The following ANK3 variants were observed in gnomAD, a reference collection of about 807,000 sequenced individuals.
ANK3 encodes the protein ankyrin 3.
Under a neutral mutation model 370.9 loss-of-function variants are expected in ANK3, and 57 were observed. The observed-to-expected ratio is 0.15, with a 90% CI of 0.12 to 0.19. The LOEUF (loss-of-function observed/expected upper bound fraction) is 0.19, where lower values mean the gene tolerates loss of function less well. ANK3 is among the 10% of genes least tolerant of loss of function. The probability of loss-of-function intolerance (pLI) is 1.00; values close to 1 mark genes in which losing one functional copy is unlikely to be tolerated. For synonymous variants in ANK3, 1,929 were observed against 1,946.3 expected, an observed-to-expected ratio of 0.99 and a Z score of 0.23; for missense variants, 4,439 against 5,302.1, an observed-to-expected ratio of 0.84 and a Z score of 5.06.
Position 60,071,706 on chromosome 10 carries a change from C to T in ANK3, c.9175G>A (p.Glu3059Lys), listed in dbSNP as rs868622451. 1 of 1,597,392 alleles carries T rather than the reference C, an allele frequency of 6.3e-7. No individual in the cohort carries two copies. Among genetic ancestry groups the T allele is most frequent in the Non-Finnish European group, 8.5e-7 (1 of 1,174,184 alleles). Residue 3059 changes from glutamate (E) to lysine (K), a missense_variant, in exon 37 of 44, where the codon GAA becomes AAA. By Grantham distance (56) the Glu-to-Lys change is moderately conservative. Coordinates refer to ENST00000280772, the MANE Select transcript of ANK3 (RefSeq NM_020987.5). ...PDSLEFSPGK[E>K]SPSSDVFDHS... Reference sequence around the variant, plus strand: ...TCGAATACATCACTAGAGGGAGATTCCTTTCCTGGGCTAAACTCTAAAGAA... The same window carrying T: ...TCGAATACATCACTAGAGGGAGATTTCTTTCCTGGGCTAAACTCTAAAGAA...
rs368022850 is a variant in ANK3 at position 60,166,616 on chromosome 10, G to A, written c.2589C>T (p.Gly863=). 1.4e-5 allele frequency: 22 copies of A among 1,613,368 alleles called. No individual in the cohort carries two copies. Among genetic ancestry groups the A allele is most frequent in the African/African-American group, 1.3e-4 (10 of 74,874 alleles). ...CTTCTTCAACATCTGAGATATATTC[G>A]CCATCACTGAGCATTTCAGGGGCAT... The part of the protein sequence containing the change: ...KANAPEMLSD[G]EYISDVEEGE... The change falls in exon 23 of 44, where the codon GGC becomes GGT. Residue 863 remains glycine (G), a synonymous_variant. Transcript: ENST00000280772.
At chr10:60,240,600 A>G (rs1437121968) in intron 7 of ANK3, among the ~76,000 whole-genome samples, 2 of 150,198 alleles carry the variant, frequency 1.3e-5, no homozygotes, top group Non-Finnish European at 3.0e-5. Flanking sequence ...CACCACACCC[A>G]GTCAATTTTT....
At chr10:60,656,840 C>G (rs958576951) in intron 1 of ANK3, among the ~76,000 whole-genome samples, 6 of 152,036 alleles carry the variant, frequency 3.9e-5, no homozygotes, top group African/African-American at 7.2e-5. Flanking sequence ...TCACTGCAGC[C>G]TTGATCTCCT....
At chr10:60,511,432 T>C (rs1041617117) in intron 2 of ANK3, among the ~76,000 whole-genome samples, 3 of 152,148 alleles carry the variant, frequency 2.0e-5, no homozygotes, top group African/African-American at 7.2e-5. Context: ...AAAGTAACTA[T>C]TGTGTTGGAA....
chr10:60,264,920 C>G (rs1470904204), intron 5 of ANK3, among the ~76,000 whole-genome samples: 2 of 152,024 alleles, frequency 1.3e-5, no homozygotes, highest in African/African-American at 4.8e-5. Context: ...GAAGACAACA[C>G]AAAGATCATG....
At chr10:60,081,587 G>A (rs994967108) in intron 35 of ANK3, 1 of 391,922 alleles carries the variant, frequency 2.6e-6, no homozygotes. Context: ...TAGCTAGTAA[G>A]CAAATATTTT....
intron 2 of ANK3, among the ~76,000 whole-genome samples, chr10:60,439,767 G>A (rs2064251009): frequency 6.6e-6 from 1 of 152,156 alleles, no homozygotes; most frequent in Non-Finnish European, 1.5e-5. Flanking sequence ...CTGGGCTTTA[G>A]TTGCCTTCTC....
At chr10:60,059,305 C>G in intron 41 of ANK3, 35 bp downstream of exon 41, 1 of 1,535,552 alleles carries the variant, frequency 6.5e-7, no homozygotes, top group Non-Finnish European at 9.0e-7. Flanking sequence ...AACAAGTAAC[C>G]TGTGTTCACT....
At chr10:60,588,319 G>T (rs1024152800) in intron 2 of ANK3, among the ~76,000 whole-genome samples, 5 of 111,966 alleles carry the variant, frequency 4.5e-5, no homozygotes, top group Admixed American at 3.5e-4. Flanking sequence ...CAACCGGCTG[G>T]CATTACAGGC....
chr10:60,441,479 C>T (rs1160755660), intron 2 of ANK3, among the ~76,000 whole-genome samples: 1 of 152,072 alleles, frequency 6.6e-6, no homozygotes, highest in Non-Finnish European at 1.5e-5. Flanking sequence ...GTTTCTGAAG[C>T]TTGATTTCTA....
chr10:60,300,428 T>G, intron 1 of ANK3: 1 of 1,289,098 alleles, frequency 7.8e-7, no homozygotes, highest in Middle Eastern at 2.1e-4. Flanking sequence ...TCTAAAAATA[T>G]CTGCCTTCGG....
At chr10:60,535,864 TG>T (rs1380564417) in intron 2 of ANK3, among the ~76,000 whole-genome samples, 1 of 151,954 alleles carries the variant, frequency 6.6e-6, no homozygotes, top group Non-Finnish European at 1.5e-5. Flanking sequence ...GCCCCTTAAG[TG>T]AGCAATGATA....
chr10:60,357,841 T>A (rs1419396153), intron 1 of ANK3, among the ~76,000 whole-genome samples: 1 of 152,172 alleles, frequency 6.6e-6, no homozygotes, highest in Non-Finnish European at 1.5e-5. Flanking sequence ...TCTGCCAACC[T>A]TCTGAATCTG....
intron 25 of ANK3, among the ~76,000 whole-genome samples, chr10:60,118,487 A>C (rs2093260783): frequency 6.6e-6 from 1 of 152,180 alleles, no homozygotes; most frequent in Non-Finnish European, 1.5e-5. Context: ...CGTCAAAAGC[A>C]ATAAACCATT....
intron 8 of ANK3, among the ~76,000 whole-genome samples, chr10:60,226,509 AC>A (rs2132506451): frequency 3.2e-5 from 2 of 62,780 alleles, no homozygotes; most frequent in South Asian, 1.1e-3. Flanking sequence ...TAGTATATAT[AC>A]ATAGTATATA....
At chr10:60,289,449 G>A (rs543535722) in intron 1 of ANK3, among the ~76,000 whole-genome samples, 16 of 150,034 alleles carry the variant, frequency 1.1e-4, no homozygotes, top group African/African-American at 2.2e-4. Context: ...TCTCACTCTC[G>A]CACCCAGGCT....
chr10:60,676,738 A>G (rs770218422), intron 1 of ANK3, among the ~76,000 whole-genome samples: 6 of 152,214 alleles, frequency 3.9e-5, no homozygotes, highest in African/African-American at 7.2e-5. Flanking sequence ...TTCCTTATTC[A>G]TTCAAAAGCA....
At chr10:60,709,021 G>T (rs996602572) in intron 1 of ANK3, among the ~76,000 whole-genome samples, 2 of 151,978 alleles carry the variant, frequency 1.3e-5, no homozygotes, top group Non-Finnish European at 2.9e-5. Flanking sequence ...CACAATAAAG[G>T]CCTATTGATT....
intron 38 of ANK3, among the ~76,000 whole-genome samples, chr10:60,065,136 T>C (rs1253298391): frequency 6.6e-6 from 1 of 152,176 alleles, no homozygotes; most frequent in African/African-American, 2.4e-5. Context: ...TTATATGATA[T>C]GAAGCTACTT....
Sources: gnomAD v4.1 joint callset for allele counts (sites outside exome capture counted in the v4.1 genomes callset) on GRCh38, gnomAD v4.1.1 for gene constraint, MANE v1.5 for transcripts, NCBI Gene and HGNC (gene_info 2026-07-23, HGNC 2026-07-21) for gene names.